CELF2: variants seen among roughly 807,000 people sequenced by gnomAD.
CELF2 encodes the protein CUGBP Elav-like family member 2.
CELF2 carries 8 observed loss-of-function variants against 62.6 expected under a neutral mutation model. That is an observed-to-expected ratio of 0.13 (90% CI 0.07 to 0.23). The LOEUF is 0.23. Ranked by LOEUF, CELF2 falls within the 10% of genes least tolerant of loss-of-function variation. The pLI, the probability that CELF2 is intolerant of heterozygous loss-of-function variation, is 1.00. For synonymous variants in CELF2, 258 were observed against 250.0 expected, an observed-to-expected ratio of 1.03 and a Z score of -0.30; for missense variants, 333 against 671.0, an observed-to-expected ratio of 0.50 and a Z score of 5.56.
chr10:10,548,495 T>A, the CELF2 span, among the ~76,000 whole-genome samples: 7 of 152,220 alleles, frequency 4.6e-5, no homozygotes, highest in African/African-American at 1.7e-4. Context: ...ACAGTAGGAA[T>A]CATTTAGTAT....
chr10:11,144,187 A>G (rs2061833267), intron 1 of CELF2, among the ~76,000 whole-genome samples: 1 of 152,124 alleles, frequency 6.6e-6, no homozygotes, highest in Non-Finnish European at 1.5e-5. Flanking sequence ...TGCATTTACA[A>G]CTTACTCTCG....
the CELF2 span, among the ~76,000 whole-genome samples, chr10:10,617,661 G>A: frequency 9.2e-5 from 14 of 151,942 alleles, 1 homozygote; most frequent in East Asian, 1.5e-3. Context: ...CTTTCCTCCT[G>A]GGGAGAATGA....
chr10:10,721,107 C>T, the CELF2 span, among the ~76,000 whole-genome samples: 10 of 152,188 alleles, frequency 6.6e-5, no homozygotes. Context: ...TAAACATTTG[C>T]ATTTTATGAG....
chr10:11,305,087 A>C lies in CELF2; in HGVS notation c.977-9052A>C, dbSNP rs542574175. On this transcript the variant is annotated intron_variant, in intron 9 of 12. Coordinates refer to ENST00000633077, the MANE Select transcript of CELF2 (RefSeq NM_001326342.2). This position sits in a 1 kb window ranked among gnomAD's most constrained non-coding sequence, Gnocchi z 4.8. ...CCCTCCTCCAGCCCTGGCCCAGTGG[A>C]TACAGGTCCTTCCCAGTTCTACCAG... Among the ~76,000 whole-genome samples the C allele has an allele frequency of 6.6e-6, 1 of 152,224 alleles. No individual in the cohort carries two copies. The highest frequency in any genetic ancestry group is 6.5e-5 in the Admixed American group (1 of 15,296).
At position 11,165,917 on chromosome 10, in the gene CELF2, C is replaced by A. The variant is rs1407512219; in HGVS notation, c.271+235C>A. 3.3e-5 allele frequency among the ~76,000 whole-genome samples: 5 copies of A among 152,348 alleles called. No homozygotes were observed. Among genetic ancestry groups the A allele is most frequent in the Non-Finnish European group, 7.4e-5 (5 of 68,026 alleles). The stretch of plus-strand genomic sequence containing the variant: ...GAGAGGGACCGAGGCAGGGCGGGAG[C>A]GCAGAGGCTCGGTCCAGGCGCGTGA... On this transcript the variant is annotated intron_variant, in intron 2 of 12. Coordinates refer to ENST00000633077, the MANE Select transcript of CELF2 (RefSeq NM_001326342.2). The surrounding 1 kb of genome is among the most constrained non-coding windows in gnomAD (Gnocchi z 7.4).
At chr10:10,483,977 GTCCC>G in the CELF2 span, among the ~76,000 whole-genome samples, 2 of 55,974 alleles carry the variant, frequency 3.6e-5, no homozygotes, top group Non-Finnish European at 7.1e-5. Context: ...CTCTCTCTCT[GTCCC>G]TCCCTCCCTC....
At chr10:10,659,212 A>T in the CELF2 span, among the ~76,000 whole-genome samples, 2 of 152,202 alleles carry the variant, frequency 1.3e-5, no homozygotes, top group African/African-American at 4.8e-5. Context: ...TTTCATAAAG[A>T]AACAGGAGCA....
chr10:11,054,485 GTGTT>G (rs1462834607), intron 1 of CELF2, among the ~76,000 whole-genome samples: 102 of 92,024 alleles, frequency 1.1e-3, no homozygotes, highest in African/African-American at 5.5e-3. Flanking sequence ...CTGTGTATGT[GTGTT>G]TGTGTGTGTG....
chr10:10,539,882 C>T, the CELF2 span, among the ~76,000 whole-genome samples: 1 of 152,202 alleles, frequency 6.6e-6, no homozygotes, highest in African/African-American at 2.4e-5. Context: ...AGCCAGGTGG[C>T]ATAGGGCATC....
the CELF2 span, among the ~76,000 whole-genome samples, chr10:10,477,036 C>G: frequency 2.0e-5 from 3 of 152,126 alleles, no homozygotes; most frequent in Admixed American, 6.6e-5. Flanking sequence ...GATATTATTT[C>G]TTTATTTCTA....
At chr10:11,213,855 A>C (rs2062577268) in intron 2 of CELF2, among the ~76,000 whole-genome samples, 1 of 152,268 alleles carries the variant, frequency 6.6e-6, no homozygotes, top group Non-Finnish European at 1.5e-5. Flanking sequence ...TGAACAAAGC[A>C]TAAGACTTCC....
intron 1 of CELF2, among the ~76,000 whole-genome samples, chr10:11,033,097 T>A (rs1439337441): frequency 6.6e-6 from 1 of 152,162 alleles, no homozygotes; most frequent in Non-Finnish European, 1.5e-5. Context: ...TGTAAATGAT[T>A]GTTACAGCTT....
chr10:10,607,613 T>C, the CELF2 span, among the ~76,000 whole-genome samples: 1 of 152,126 alleles, frequency 6.6e-6, no homozygotes, highest in Non-Finnish European at 1.5e-5. Context: ...ACAAGGTCAT[T>C]AGGTAAATAT....
intron 1 of CELF2, among the ~76,000 whole-genome samples, chr10:10,807,342 G>A (rs1013893888): frequency 2.6e-5 from 4 of 152,088 alleles, no homozygotes; most frequent in Non-Finnish European, 5.9e-5. Context: ...CTTCCAAGAG[G>A]GATTTGTATA....
At position 10,995,310 on chromosome 10, in the gene CELF2, C is replaced by G. The variant is rs1284165257; in HGVS notation, c.89+75311C>G. Among the ~76,000 whole-genome samples the G allele has an allele frequency of 6.6e-6, 1 of 152,086 alleles. No individual in the cohort carries two copies. The highest frequency in any genetic ancestry group is 2.4e-5 in the African/African-American group (1 of 41,410). ...CCATATTATGACATCTTTGTATCTC[C>G]TTTTCTCCTGAGATGATGTCATCGA... On this transcript the variant is annotated intron_variant, in intron 2 of 13. Transcript: ENST00000636488. This position sits in a 1 kb window ranked among gnomAD's most constrained non-coding sequence, Gnocchi z 4.7.
At chr10:11,289,369 T>C (rs1343497017) in intron 9 of CELF2, among the ~76,000 whole-genome samples, 3 of 152,160 alleles carry the variant, frequency 2.0e-5, no homozygotes, top group African/African-American at 7.2e-5. Context: ...ATTAGCTAAG[T>C]GTTGGAAAAA....
the CELF2 span, among the ~76,000 whole-genome samples, chr10:10,715,211 A>G: frequency 6.6e-6 from 1 of 152,220 alleles, no homozygotes. Flanking sequence ...AGACATTAAT[A>G]GTTAATATAG....
At chr10:11,017,717 G>A (rs187747431), upstream of CELF2, among the ~76,000 whole-genome samples, 871 of 152,128 alleles carry the variant, frequency 5.7e-3, 6 homozygotes, top group Non-Finnish European at 0.01. The surrounding 1 kb of genome is among the most constrained non-coding windows in gnomAD (Gnocchi z 5.5). Context: ...TTGCCTTCGG[G>A]GGCCCAGGGG....
intron 1 of CELF2, among the ~76,000 whole-genome samples, chr10:11,129,907 T>G (rs2059355233): frequency 6.6e-6 from 1 of 152,234 alleles, no homozygotes. Context: ...TTTCTTGCTT[T>G]CTGCCAGCTT....
Sources: allele counts gnomAD v4.1 joint callset (sites outside exome capture counted in the v4.1 genomes callset), GRCh38; gene constraint gnomAD v4.1.1; non-coding constraint Gnocchi (gnomAD v3.1); transcripts MANE v1.5; gene names NCBI Gene and HGNC (gene_info 2026-07-23, HGNC 2026-07-21).